The following RYR2 variants were observed in gnomAD, a reference collection of about 807,000 sequenced individuals.
The protein encoded by RYR2 is cardiac muscle ryanodine receptor-calcium release channel.
In RYR2, 227 loss-of-function variants were observed where a neutral mutation model predicts 601.1. The observed-to-expected ratio is 0.38, with a 90% CI of 0.34 to 0.42. The LOEUF (loss-of-function observed/expected upper bound fraction) is 0.42. RYR2 is among the 10% of genes least tolerant of loss of function. The probability of loss-of-function intolerance (pLI) is 1.00; values close to 1 mark genes in which losing one functional copy is unlikely to be tolerated. For synonymous variants in RYR2, 2,223 were observed against 2,175.1 expected (o/e 1.02, Z -0.61); for missense variants, 4,646 against 6,156.5 (o/e 0.75, Z 8.21).
Position 237,503,327 on chromosome 1 carries a change from A to G in RYR2, c.2435A>G (p.Lys812Arg), listed in dbSNP as rs779155482. 5.0e-6 allele frequency: 8 copies of G among 1,613,474 alleles called. No homozygotes were observed. The South Asian group carries it at 6.6e-5, about 13-fold the overall frequency. The change falls in exon 22 of 105, where the codon AAA (lysine) becomes AGA (arginine). Residue 812 changes from lysine to arginine, a missense_variant. Transcript: ENST00000366574. ...FLLGGRHGEF[K>R]FLPPPGYAPC... ...CTTGGAGGGCGACATGGAGAATTCA[A>G]ATTTCTTCCTCCACCTGGGTATGCT... is the stretch of plus-strand genomic sequence containing the variant.
At position 237,387,297 on chromosome 1, in the gene RYR2, A is replaced by T. The variant is rs1702022918; in HGVS notation, c.593A>T (p.Asn198Ile). 1.9e-6 allele frequency: 3 copies of T among 1,613,862 alleles called. No homozygotes were observed. The highest frequency in any genetic ancestry group is 1.7e-5 in the Admixed American group (1 of 59,998). Reference protein sequence around the residue: ...SERYLHLSYGNGSLHVDAAFQ... With the variant: ...SERYLHLSYGIGSLHVDAAFQ... ...TTGATACAGCACTTGTCTTATGGCA[A>T]CGGCAGCTTACACGTGGATGCCGCT... The change falls in exon 9 of 105, where the codon AAC (asparagine) becomes ATC (isoleucine). Residue 198 changes from asparagine (N) to isoleucine (I), a missense_variant. Around this residue, in one of 17 missense-constraint regions of RYR2, gnomAD observed 87 missense variants for 144.7 expected, o/e 0.60. Transcript: ENST00000366574.
chr1:237,148,781 GACTTCGT>G (rs1558320869), intron 1 of RYR2, among the ~76,000 whole-genome samples: 1 of 151,868 alleles, frequency 6.6e-6, no homozygotes, highest in Non-Finnish European at 1.5e-5. Context: ...TAATTATACC[GACTTCGT>G]AGGATTGTTA....
intron 2 of RYR2, among the ~76,000 whole-genome samples, chr1:237,322,851 G>A (rs1446627303): frequency 2.1e-5 from 3 of 143,294 alleles, no homozygotes; most frequent in South Asian, 4.4e-4. Context: ...TGTGTGTGGT[G>A]TTAATTTTTT....
At chr1:237,224,194 G>A (rs1285927396) in intron 1 of RYR2, among the ~76,000 whole-genome samples, 2 of 151,648 alleles carry the variant, frequency 1.3e-5, no homozygotes, top group African/African-American at 2.4e-5. Flanking sequence ...GGGGATTTAT[G>A]ACAATTTGAA....
At chr1:237,593,760 C>T in intron 33 of RYR2, 124 bp downstream of exon 33, 3 of 992,834 alleles carry the variant, frequency 3.0e-6, no homozygotes, top group East Asian at 2.6e-5. Flanking sequence ...ATAATCAAGC[C>T]ATTAATGTCA....
intron 1 of RYR2, among the ~76,000 whole-genome samples, chr1:237,110,069 G>GGATTGTTT (rs1488764431): frequency 6.6e-6 from 1 of 152,124 alleles, no homozygotes; most frequent in Non-Finnish European, 1.5e-5. Context: ...ATCCTGGTAT[G>GGATTGTTT]AATTTTCTTT....
chr1:237,378,823 T>C (rs1292974843), intron 8 of RYR2, among the ~76,000 whole-genome samples: 1 of 152,206 alleles, frequency 6.6e-6, no homozygotes, highest in Non-Finnish European at 1.5e-5. Flanking sequence ...TCACTTGCCT[T>C]GTAGAAGAGG....
At chr1:237,768,338 T>C (rs1694002419) in intron 84 of RYR2, among the ~76,000 whole-genome samples, 1 of 152,190 alleles carries the variant, frequency 6.6e-6, no homozygotes, top group African/African-American at 2.4e-5. Flanking sequence ...TACAAAAAAT[T>C]ACCACAGATT....
intron 24 of RYR2, 44 bp from the exon 25 acceptor site, chr1:237,530,383 A>G (rs1411767898): frequency 7.0e-7 from 1 of 1,419,096 alleles, no homozygotes; most frequent in Non-Finnish European, 9.8e-7. Context: ...TATTCTGGAC[A>G]TAGAGAAGAA....
At chr1:237,752,895 T>C (rs373148525) in intron 80 of RYR2, among the ~76,000 whole-genome samples, 1 of 152,256 alleles carries the variant, frequency 6.6e-6, no homozygotes, top group Non-Finnish European at 1.5e-5. Context: ...TGGATATTTC[T>C]ATTCTCTTAT....
chr1:237,489,932 G>C (rs1193332734), intron 17 of RYR2, among the ~76,000 whole-genome samples: 1 of 152,140 alleles, frequency 6.6e-6, no homozygotes, highest in Non-Finnish European at 1.5e-5. Flanking sequence ...TGGTACCTAT[G>C]CGTCATGAAA....
At chr1:237,214,056 G>C (rs530476274) in intron 1 of RYR2, among the ~76,000 whole-genome samples, 1 of 151,566 alleles carries the variant, frequency 6.6e-6, no homozygotes, top group East Asian at 2.0e-4. Flanking sequence ...AGGTAGCTGG[G>C]ACTACATGCA....
chr1:237,640,872 C>T (rs1225374302), intron 46 of RYR2, 25 bp from the exon 47 acceptor site: 1 of 1,592,918 alleles, frequency 6.3e-7, no homozygotes, highest in Non-Finnish European at 8.6e-7. Context: ...TTTGCTTTCT[C>T]TTTCTTTTGA....
chr1:237,607,024 C>T (rs1677202771), intron 35 of RYR2, among the ~76,000 whole-genome samples: 1 of 152,186 alleles, frequency 6.6e-6, no homozygotes, highest in Non-Finnish European at 1.5e-5. Flanking sequence ...GGCGATTCCT[C>T]AAGGATCTAG....
intron 29 of RYR2, among the ~76,000 whole-genome samples, chr1:237,588,643 G>A (rs1301189218): frequency 6.6e-6 from 1 of 152,072 alleles, no homozygotes; most frequent in African/African-American, 2.4e-5. Context: ...GACCAGCCTG[G>A]CCAACATGGT....
intron 2 of RYR2, among the ~76,000 whole-genome samples, chr1:237,288,945 G>T (rs1691890900): frequency 6.6e-6 from 1 of 152,168 alleles, no homozygotes; most frequent in South Asian, 2.1e-4. Flanking sequence ...CAGGTATGGG[G>T]TGCTTGGGGA....
chr1:237,055,075 C>T (rs2148180581), intron 1 of RYR2, among the ~76,000 whole-genome samples: 1 of 152,308 alleles, frequency 6.6e-6, no homozygotes, highest in African/African-American at 2.4e-5. Flanking sequence ...GTCACGCTCC[C>T]AGCCCGCACC....
intron 14 of RYR2, among the ~76,000 whole-genome samples, chr1:237,449,034 G>C (rs1400455454): frequency 1.3e-5 from 2 of 151,954 alleles, no homozygotes; most frequent in Admixed American, 1.3e-4. Flanking sequence ...GTCCCACCTA[G>C]TAATAGGATA....
chr1:237,831,676 A>G, intron 104 of RYR2, 111 bp downstream of exon 104: 1 of 659,488 alleles, frequency 1.5e-6, no homozygotes, highest in African/African-American at 1.9e-5. Flanking sequence ...TTCAGATATT[A>G]GTTGTGGTAT....
Sources: allele counts gnomAD v4.1 joint callset (sites outside exome capture counted in the v4.1 genomes callset), GRCh38; gene constraint gnomAD v4.1.1; regional missense constraint gnomAD v4.1.1; transcripts MANE v1.5; gene names NCBI Gene and HGNC (gene_info 2026-07-23, HGNC 2026-07-21).